ABTB3: variants seen among roughly 807,000 people sequenced by gnomAD.
ABTB3 encodes the protein ankyrin repeat and BTB domain containing 3, also known as ankyrin repeat- and BTB/POZ domain-containing protein 3.
the ABTB3 span, among the ~76,000 whole-genome samples, chr12:107,572,956 A>T: frequency 1.3e-5 from 2 of 152,200 alleles, no homozygotes; most frequent in Non-Finnish European, 2.9e-5. Context: ...TTGGTCAGTC[A>T]CGTGCGTCTG....
chr12:107,511,602 C>G, the ABTB3 span, among the ~76,000 whole-genome samples: 2 of 152,082 alleles, frequency 1.3e-5, no homozygotes, highest in African/African-American at 4.8e-5. Context: ...GAAGAAGCAG[C>G]CAAGACCTTT....
the ABTB3 span, among the ~76,000 whole-genome samples, chr12:107,332,178 TC>T: frequency 1.3e-5 from 2 of 152,172 alleles, no homozygotes; most frequent in African/African-American, 4.8e-5. Flanking sequence ...TCCTGACCTC[TC>T]TGAGCCTCAT....
the ABTB3 span, among the ~76,000 whole-genome samples, chr12:107,496,833 T>G: frequency 2.1e-3 from 315 of 152,290 alleles, 2 homozygotes; most frequent in African/African-American, 7.2e-3. Context: ...AAGCTTGTAT[T>G]TAAACTGGGG....
chr12:107,556,535 A>G, the ABTB3 span, among the ~76,000 whole-genome samples: 1 of 152,336 alleles, frequency 6.6e-6, no homozygotes, highest in East Asian at 1.9e-4. Context: ...ACTGCATCCC[A>G]TGCTGGGATG....
chr12:107,428,442 G>A, the ABTB3 span, among the ~76,000 whole-genome samples: 1 of 152,176 alleles, frequency 6.6e-6, no homozygotes, highest in Non-Finnish European at 1.5e-5. Flanking sequence ...GTATTGGGAA[G>A]TTAACACCCC....
the ABTB3 span, among the ~76,000 whole-genome samples, chr12:107,461,520 T>C: frequency 6.8e-6 from 1 of 148,104 alleles, no homozygotes; most frequent in African/African-American, 2.5e-5. Flanking sequence ...CTGGCCTTGC[T>C]GGCACCTTGC....
the ABTB3 span, among the ~76,000 whole-genome samples, chr12:107,545,764 T>C: frequency 6.6e-6 from 1 of 152,280 alleles, no homozygotes. Flanking sequence ...ACACCAAAAC[T>C]TTGCTGTCTC....
chr12:107,448,512 AT>A, the ABTB3 span, among the ~76,000 whole-genome samples: 3 of 152,386 alleles, frequency 2.0e-5, 1 homozygote, highest in Middle Eastern at 0.01. Context: ...AAGAATAAAA[AT>A]AATTTAAACT....
chr12:107,485,248 G>C, the ABTB3 span, among the ~76,000 whole-genome samples: 1 of 152,040 alleles, frequency 6.6e-6, no homozygotes, highest in Non-Finnish European at 1.5e-5. Flanking sequence ...TGATTCCTCA[G>C]TTTTTCAGGA....
chr12:107,420,245 T>C, the ABTB3 span, among the ~76,000 whole-genome samples: 1 of 152,160 alleles, frequency 6.6e-6, no homozygotes, highest in African/African-American at 2.4e-5. Context: ...GACCACACCA[T>C]CTCTCCTAAA....
the ABTB3 span, among the ~76,000 whole-genome samples, chr12:107,577,789 T>C: frequency 6.6e-6 from 1 of 152,118 alleles, no homozygotes; most frequent in Non-Finnish European, 1.5e-5. Flanking sequence ...TTATTTAAAA[T>C]GCAGATGCCC....
the ABTB3 span, among the ~76,000 whole-genome samples, chr12:107,635,572 C>A: frequency 6.6e-6 from 1 of 152,104 alleles, no homozygotes; most frequent in Admixed American, 6.6e-5. Context: ...GAGAACATAC[C>A]TTGGGAATGT....
the ABTB3 span, among the ~76,000 whole-genome samples, chr12:107,571,543 T>C: frequency 6.6e-6 from 1 of 152,266 alleles, no homozygotes; most frequent in East Asian, 1.9e-4. Flanking sequence ...TTTAGGCTTC[T>C]AGAGCCACCT....
chr12:107,367,267 T>C, the ABTB3 span, among the ~76,000 whole-genome samples: 1 of 152,200 alleles, frequency 6.6e-6, no homozygotes, highest in South Asian at 2.1e-4. Context: ...CCCATCCAAG[T>C]TGATTAAAAT....
At chr12:107,524,517 A>G in the ABTB3 span, among the ~76,000 whole-genome samples, 4 of 152,172 alleles carry the variant, frequency 2.6e-5, no homozygotes, top group African/African-American at 9.7e-5. Context: ...GTGGAGCCCT[A>G]TTTTAGTAGC....
the ABTB3 span, among the ~76,000 whole-genome samples, chr12:107,647,279 A>G: frequency 6.6e-6 from 1 of 152,238 alleles, no homozygotes; most frequent in East Asian, 1.9e-4. Flanking sequence ...GCAGTAAGCT[A>G]TGATCACACC....
chr12:107,399,864 T>A, the ABTB3 span, among the ~76,000 whole-genome samples: 1 of 152,092 alleles, frequency 6.6e-6, no homozygotes, highest in South Asian at 2.1e-4. Flanking sequence ...CAGGCCCCAG[T>A]GTCTGATGTT....
chr12:107,338,437 G>A, the ABTB3 span, among the ~76,000 whole-genome samples: 5 of 152,326 alleles, frequency 3.3e-5, no homozygotes, highest in East Asian at 3.9e-4. Flanking sequence ...GAAGGGTGAA[G>A]TATCTTGCCC....
the ABTB3 span, chr12:107,642,017 G>C: frequency 7.3e-7 from 1 of 1,368,470 alleles, no homozygotes; most frequent in Admixed American, 1.7e-5. Flanking sequence ...CCATTGTCAG[G>C]AGAGCAGAGT....
Sources: allele counts gnomAD v4.1 joint callset (sites outside exome capture counted in the v4.1 genomes callset), GRCh38; gene constraint gnomAD v4.1.1; transcripts MANE v1.5; gene names NCBI Gene and HGNC (gene_info 2026-07-23, HGNC 2026-07-21).